Variants in CFAP58 observed in about 807,000 individuals in gnomAD.
CFAP58 encodes cilia and flagella associated protein 58, also known as cilia- and flagella-associated protein 58.
Under a neutral mutation model 119.5 loss-of-function variants are expected in CFAP58, and 88 were observed. That is an observed-to-expected ratio of 0.74 (90% confidence interval 0.62 to 0.88). The LOEUF (loss-of-function observed/expected upper bound fraction) is 0.88. Among genes scored for constraint, CFAP58 ranks in the 40% least tolerant of loss-of-function variants. The pLI is 0.00. For synonymous variants in CFAP58, 365 were observed against 366.3 expected (o/e 1.00, Z 0.04); for missense variants, 990 against 1,021.2 (o/e 0.97, Z 0.42).
chr10:104,400,804 A>G lies in CFAP58; in HGVS notation c.1940A>G (p.Gln647Arg), dbSNP rs983399009. The G allele has an allele frequency of 1.1e-5, 17 of 1,614,150 alleles. No homozygotes were observed. Among genetic ancestry groups the G allele is most frequent in the Non-Finnish European group, 1.4e-5 (16 of 1,180,008 alleles). ...VLNKGESQYNQRLEDMRILRL... is the reference protein window; with the variant it reads ...VLNKGESQYNRRLEDMRILRL... ...AATAAAGGGGAGAGCCAGTACAACC[A>G]GAGGTTGGAGGACATGAGAATCCTC... Residue 647 changes from glutamine (Q) to arginine (R), a missense_variant, in exon 13 of 18, where the codon CAG (glutamine) becomes CGG (arginine). Physicochemically the swap from Gln to Arg is conservative, Grantham distance 43. Coordinates refer to ENST00000369704, the MANE Select transcript of CFAP58 (RefSeq NM_001008723.2).
chr10:104,442,560 G>A (rs1159188833), intron 15 of CFAP58, among the ~76,000 whole-genome samples: 5 of 149,854 alleles, frequency 3.3e-5, no homozygotes, highest in African/African-American at 9.9e-5. Flanking sequence ...TGCACTCCAG[G>A]CTAGGTGAGA....
chr10:104,392,487 A>G (rs1032540567), intron 10 of CFAP58, 93 bp downstream of exon 10: 1 of 873,432 alleles, frequency 1.1e-6, no homozygotes, highest in Non-Finnish European at 1.6e-6. Context: ...TTTAGAATAG[A>G]TTAAAAAAAA....
At chr10:104,357,885 ATATAAACATATATG>A (rs1253636321) in intron 1 of CFAP58, among the ~76,000 whole-genome samples, 2 of 120,322 alleles carry the variant, frequency 1.7e-5, no homozygotes, top group East Asian at 4.2e-4. Context: ...ATGTACACAT[ATATAAACATATATG>A]TACACATATA....
intron 7 of CFAP58, 111 bp downstream of exon 7, chr10:104,371,165 G>A: frequency 1.0e-6 from 1 of 997,952 alleles, no homozygotes; most frequent in South Asian, 1.8e-5. Flanking sequence ...AATGAAATCA[G>A]TAAAACAACA....
intron 3 of CFAP58, 60 bp downstream of exon 3, chr10:104,362,231 G>C (rs1564878468): frequency 3.4e-6 from 5 of 1,462,634 alleles, no homozygotes; most frequent in Non-Finnish European, 4.6e-6. Flanking sequence ...TCCTTCAGTA[G>C]ACAGCCTGGG....
chr10:104,364,056 A>T (rs79193456), intron 3 of CFAP58, among the ~76,000 whole-genome samples: 7,862 of 152,338 alleles, frequency 0.052, 270 homozygotes, highest in Middle Eastern at 0.11. Flanking sequence ...AAAAATGGGC[A>T]TCATGAATGA....
intron 9 of CFAP58, among the ~76,000 whole-genome samples, chr10:104,383,590 C>T (rs1263978592): frequency 6.6e-6 from 1 of 152,146 alleles, no homozygotes; most frequent in Non-Finnish European, 1.5e-5. Context: ...ATAATTTAAA[C>T]ACAAGTTCTT....
intron 15 of CFAP58, among the ~76,000 whole-genome samples, chr10:104,445,323 A>C (rs1383964869): frequency 2.3e-3 from 189 of 82,182 alleles, no homozygotes; most frequent in Non-Finnish European, 5.1e-3. Context: ...ACCCGGTCTC[A>C]AAAAAAAAAA....
At chr10:104,376,252 T>C (rs1164069286) in intron 7 of CFAP58, among the ~76,000 whole-genome samples, 1 of 151,952 alleles carries the variant, frequency 6.6e-6, no homozygotes, top group African/African-American at 2.4e-5. Context: ...TTATGGTTTG[T>C]AGGGCATGAC....
intron 9 of CFAP58, among the ~76,000 whole-genome samples, chr10:104,383,102 A>G (rs750716020): frequency 4.6e-5 from 7 of 151,502 alleles, no homozygotes; most frequent in Non-Finnish European, 5.9e-5. Context: ...ATAGAGTCCA[A>G]CCTCTTTGTT....
rs887930855 is a variant in CFAP58 at position 104,388,643 on chromosome 10, T to C, written c.1366-3590T>C. On this transcript the variant is annotated intron_variant, in intron 9 of 17. Coordinates refer to ENST00000369704, the MANE Select transcript of CFAP58 (RefSeq NM_001008723.2). Reference sequence around the variant, plus strand: ...ATTGACATCAAGTCAGAAAAACTTATTGGAGAAGTTTATTGTACTGATATT... The same window carrying C: ...ATTGACATCAAGTCAGAAAAACTTACTGGAGAAGTTTATTGTACTGATATT... Among the ~76,000 whole-genome samples the C allele has an allele frequency of 3.3e-5, 5 of 152,348 alleles. No individual in the cohort carries two copies. In the South Asian group the frequency reaches 8.3e-4, roughly 25 times the overall value.
At chr10:104,344,678 C>A in the CFAP58 span, among the ~76,000 whole-genome samples, 1 of 152,076 alleles carries the variant, frequency 6.6e-6, no homozygotes, top group African/African-American at 2.4e-5. Flanking sequence ...TTAGACTGGT[C>A]TCTGCTGTCC....
At chr10:104,395,457 A>C (rs2012131418) in intron 11 of CFAP58, among the ~76,000 whole-genome samples, 1 of 152,182 alleles carries the variant, frequency 6.6e-6, no homozygotes, top group Admixed American at 6.5e-5. Context: ...TTCTCCCTGC[A>C]TTTCCAATGA....
Position 104,399,294 on chromosome 10 carries a change from G to A in CFAP58, c.1675-66G>A, listed in dbSNP as rs2012218307. ...AAGCACAACTGTACATCTGAATCCG[G>A]GCCCTGTCGTCCTGGTTTGTGCTGT... is the stretch of plus-strand genomic sequence containing the variant. On this transcript the variant is annotated intron_variant, in intron 11 of 17. Coordinates refer to ENST00000369704, the MANE Select transcript of CFAP58 (RefSeq NM_001008723.2). 1.9e-6 allele frequency: 3 copies of A among 1,557,202 alleles called. No individual in the cohort carries two copies. The African/African-American group carries it at 4.1e-5, about 21-fold the overall frequency.
chr10:104,363,895 A>C (rs1362038176), intron 3 of CFAP58, among the ~76,000 whole-genome samples: 1 of 152,222 alleles, frequency 6.6e-6, no homozygotes, highest in East Asian at 1.9e-4. Flanking sequence ...CTCTACATTC[A>C]TTCTGCTGCA....
At chr10:104,392,721 C>T (rs1370385405) in intron 10 of CFAP58, among the ~76,000 whole-genome samples, 1 of 150,652 alleles carries the variant, frequency 6.6e-6, no homozygotes, top group Non-Finnish European at 1.5e-5. Context: ...CTCACTGCAA[C>T]CTCTGCCTCC....
chr10:104,358,774 A>G (rs764826583), intron 2 of CFAP58, 152 bp downstream of exon 2: 728 of 641,216 alleles, frequency 1.1e-3, no homozygotes, highest in Non-Finnish European at 1.6e-3. Context: ...TTCATTTTCA[A>G]AGAAAATGAT....
At chr10:104,393,170 C>T (rs1004293020) in intron 10 of CFAP58, among the ~76,000 whole-genome samples, 159 bp from the exon 11 acceptor site, 2 of 152,074 alleles carry the variant, frequency 1.3e-5, no homozygotes, top group African/African-American at 4.8e-5. Context: ...ACTTTGAGGT[C>T]GATGGGCACT....
At chr10:104,426,462 C>T (rs775415209) in intron 15 of CFAP58, among the ~76,000 whole-genome samples, 8 of 151,894 alleles carry the variant, frequency 5.3e-5, no homozygotes, top group Non-Finnish European at 1.0e-4. Flanking sequence ...TCTCTCCCTC[C>T]CCACTCCCCC....
Sources: allele counts gnomAD v4.1 joint callset (sites outside exome capture counted in the v4.1 genomes callset), GRCh38; gene constraint gnomAD v4.1.1; transcripts MANE v1.5; gene names NCBI Gene and HGNC (gene_info 2026-07-23, HGNC 2026-07-21).